Variants in RPH3A observed in about 807,000 individuals in gnomAD.
RPH3A encodes the protein rabphilin-3A.
In RPH3A, 48 loss-of-function variants were observed where a neutral mutation model predicts 102.2. The ratio of observed to expected loss-of-function variants is 0.47; its 90% CI spans 0.37 to 0.60. The LOEUF is 0.60. Ranked by LOEUF, RPH3A falls within the 20% of genes least tolerant of loss-of-function variation. The pLI, the probability that RPH3A is intolerant of heterozygous loss-of-function variation, is 0.00. For missense variants in RPH3A, 781 were observed against 910.1 expected, an observed-to-expected ratio of 0.86 and a Z score of 1.83; for synonymous variants, 310 against 324.3, an observed-to-expected ratio of 0.96 and a Z score of 0.47.
chr12:112,734,654 C>G (rs10850073), intron 1 of RPH3A, among the ~76,000 whole-genome samples: 60,088 of 151,996 alleles, frequency 0.4, 12,165 homozygotes, highest in East Asian at 0.68. Context: ...TGATCATATG[C>G]TAAACAAGGG....
intron 1 of RPH3A, among the ~76,000 whole-genome samples, chr12:112,672,578 T>G (rs1258330619): frequency 6.6e-6 from 1 of 152,140 alleles, no homozygotes; most frequent in Non-Finnish European, 1.5e-5. Context: ...CAGCTGCAGG[T>G]GCCTTGGTGC....
chr12:112,774,063 C>CAAAAAAAAAAAAAAAA (rs11375355), intron 1 of RPH3A, among the ~76,000 whole-genome samples: 1,168 of 108,032 alleles, frequency 0.011, 63 homozygotes, highest in Non-Finnish European at 0.016. Flanking sequence ...CCAGCCTGGG[C>CAAAAAAAAAAAAAAAA]AAAAAAAAAA....
intron 1 of RPH3A, among the ~76,000 whole-genome samples, chr12:112,633,187 A>G (rs1472913720): frequency 6.6e-6 from 1 of 152,194 alleles, no homozygotes; most frequent in Non-Finnish European, 1.5e-5. Context: ...GCAACAGAGC[A>G]AAACCCTGTC....
chr12:112,798,328 G>C (rs1042718146), intron 2 of RPH3A, among the ~76,000 whole-genome samples: 11 of 152,168 alleles, frequency 7.2e-5, no homozygotes, highest in Admixed American at 6.5e-4. Flanking sequence ...GAGAGCGAGG[G>C]GGGGAAATAT....
chr12:112,640,184 G>T (rs963215650), intron 1 of RPH3A, among the ~76,000 whole-genome samples: 3 of 151,364 alleles, frequency 2.0e-5, no homozygotes, highest in African/African-American at 7.3e-5. Context: ...AATCAGCCGG[G>T]CGTGGTGGCA....
At chr12:112,869,683 T>C (rs2042671832) in intron 8 of RPH3A, 76 bp from the exon 9 acceptor site, 1 of 1,427,270 alleles carries the variant, frequency 7.0e-7, no homozygotes. Context: ...TGAACCCCTT[T>C]GTAGGCTTCT....
chr12:112,786,470 GA>G (rs1372373732), intron 1 of RPH3A, among the ~76,000 whole-genome samples: 2 of 152,166 alleles, frequency 1.3e-5, no homozygotes, highest in East Asian at 3.8e-4. Context: ...TGTGCTCCTG[GA>G]AAGCTGCCCT....
At chr12:112,624,123 G>A (rs1389105513) in intron 1 of RPH3A, among the ~76,000 whole-genome samples, 1 of 139,468 alleles carries the variant, frequency 7.2e-6, no homozygotes, top group Admixed American at 7.2e-5. Flanking sequence ...ATCCAAAATT[G>A]ACACCCTAAC....
chr12:112,867,687 T>A (rs959173939), intron 7 of RPH3A, among the ~76,000 whole-genome samples: 1 of 152,190 alleles, frequency 6.6e-6, no homozygotes, highest in Admixed American at 6.5e-5. Flanking sequence ...AGGAATGCAG[T>A]CACTGTCCAA....
At chr12:112,689,150 C>G (rs1592944614) in intron 1 of RPH3A, among the ~76,000 whole-genome samples, 1 of 152,266 alleles carries the variant, frequency 6.6e-6, no homozygotes, top group East Asian at 1.9e-4. Context: ...TCTATAGTGG[C>G]CTGACAGGTA....
chr12:112,788,757 T>C (rs1018122981), upstream of RPH3A, among the ~76,000 whole-genome samples: 1 of 152,176 alleles, frequency 6.6e-6, no homozygotes, highest in Non-Finnish European at 1.5e-5. Flanking sequence ...GAGAAATTCT[T>C]TGGGATTGGA....
At chr12:112,858,266 C>CAAAAAAAAAAAAAA (rs1164602599) in intron 5 of RPH3A, among the ~76,000 whole-genome samples, 16 of 44,772 alleles carry the variant, frequency 3.6e-4, no homozygotes, top group East Asian at 1.4e-3. Flanking sequence ...GACCCTGTCT[C>CAAAAAAAAAAAAAA]AAAAAAAAAA....
chr12:112,710,044 G>A (rs2040449542), intron 1 of RPH3A, among the ~76,000 whole-genome samples: 1 of 151,852 alleles, frequency 6.6e-6, no homozygotes, highest in Non-Finnish European at 1.5e-5. Flanking sequence ...GCATGATCTC[G>A]GCTCACTGCA....
At chr12:112,770,193 A>G (rs1007071071) in intron 1 of RPH3A, among the ~76,000 whole-genome samples, 2 of 152,118 alleles carry the variant, frequency 1.3e-5, no homozygotes, top group South Asian at 2.1e-4. Context: ...GTTTTTCCCT[A>G]TTACAGACCA....
rs1167799430 is a variant in RPH3A at position 112,896,781 on chromosome 12, G to C, written c.*1G>C. On this transcript the variant is annotated 3_prime_UTR_variant, in exon 22 of 22. Transcript: ENST00000389385. Reference sequence around the variant, plus strand: ...TGAGAACCACGTGTCAAGTGATTAGGCTAGTGCCCAGGTCCCCATCTCCAT... The same window carrying C: ...TGAGAACCACGTGTCAAGTGATTAGCCTAGTGCCCAGGTCCCCATCTCCAT... 6.2e-7 allele frequency: 1 copy of C among 1,613,894 alleles called. No homozygotes were observed. Among genetic ancestry groups the C allele is most frequent in the Non-Finnish European group, 8.5e-7 (1 of 1,179,944 alleles).
intron 1 of RPH3A, among the ~76,000 whole-genome samples, chr12:112,710,339 C>T (rs1330819071): frequency 3.3e-5 from 5 of 152,152 alleles, no homozygotes; most frequent in African/African-American, 1.2e-4. Context: ...CCCGTTCTTC[C>T]TGGGCAAACT....
intron 1 of RPH3A, among the ~76,000 whole-genome samples, chr12:112,630,004 G>C (rs750553779): frequency 3.3e-5 from 5 of 151,882 alleles, no homozygotes; most frequent in African/African-American, 4.8e-5. Context: ...ATTCAGACTC[G>C]GGTCCATTTG....
At chr12:112,788,769 G>T (rs577573357), upstream of RPH3A, among the ~76,000 whole-genome samples, 1 of 152,290 alleles carries the variant, frequency 6.6e-6, no homozygotes, top group Admixed American at 6.5e-5. Flanking sequence ...GGGATTGGAA[G>T]CCAAGAGGCC....
At chr12:112,875,215 G>C in intron 11 of RPH3A, 45 bp downstream of exon 11, 1 of 1,457,388 alleles carries the variant, frequency 6.9e-7, no homozygotes, top group Non-Finnish European at 9.4e-7. Context: ...CTGTCACTCG[G>C]CTGTGACCCT....
Sources: gnomAD v4.1 joint callset for allele counts (sites outside exome capture counted in the v4.1 genomes callset) on GRCh38, gnomAD v4.1.1 for gene constraint, MANE v1.5 for transcripts, NCBI Gene and HGNC (gene_info 2026-07-23, HGNC 2026-07-21) for gene names.